Variants in NCAPD3 observed in about 807,000 individuals in gnomAD.
NCAPD3 encodes the protein condensin-2 complex subunit D3.
Under a neutral mutation model 182.9 loss-of-function variants are expected in NCAPD3, and 105 were observed. The ratio of observed to expected loss-of-function variants is 0.57; its 90% CI spans 0.49 to 0.68. The LOEUF is 0.68. Among genes scored for constraint, NCAPD3 ranks in the 30% least tolerant of loss-of-function variants. NCAPD3 has a pLI of 0.00. For missense variants in NCAPD3, 1,944 were observed against 1,837.0 expected, an observed-to-expected ratio of 1.06 and a Z score of -1.07; for synonymous variants, 815 against 679.9, an observed-to-expected ratio of 1.20 and a Z score of -3.09.
chr11:134,161,273 A>T (rs191362829), intron 28 of NCAPD3, among the ~76,000 whole-genome samples: 1 of 152,306 alleles, frequency 6.6e-6, no homozygotes, highest in East Asian at 1.9e-4. Context: ...GCAAGTCAAC[A>T]CATCCTGGGT....
intron 24 of NCAPD3, among the ~76,000 whole-genome samples, chr11:134,171,345 C>T (rs533105652): frequency 6.6e-6 from 1 of 152,258 alleles, no homozygotes; most frequent in Non-Finnish European, 1.5e-5. Flanking sequence ...AATCGAAATC[C>T]AGGATATTCA....
intron 27 of NCAPD3, among the ~76,000 whole-genome samples, chr11:134,166,832 G>C (rs1943830218): frequency 8.5e-6 from 1 of 118,072 alleles, no homozygotes; most frequent in Non-Finnish European, 1.8e-5. Context: ...CTTGTGAGAT[G>C]AGCTTGGGGG....
chr11:134,159,446 G>A (rs1045929483), intron 29 of NCAPD3, among the ~76,000 whole-genome samples: 2 of 152,244 alleles, frequency 1.3e-5, no homozygotes, highest in African/African-American at 4.8e-5. Context: ...ACTTGTAGAT[G>A]CTGTGGCATG....
At chr11:134,188,586 AG>A (rs1366526514) in intron 16 of NCAPD3, among the ~76,000 whole-genome samples, 2 of 152,126 alleles carry the variant, frequency 1.3e-5, no homozygotes, top group African/African-American at 4.8e-5. Flanking sequence ...ACCCACCAGG[AG>A]GAACAAACAA....
chr11:134,203,214 A>G lies in NCAPD3; in HGVS notation c.1469-16T>C. ...AACGTAGGACCTAAAAACAAGAAGA[A>G]AGATAAGAAGGAAGAAGTCAGTATC... On this transcript the variant is annotated splice_polypyrimidine_tract_variant and intron_variant, in intron 11 of 34. Coordinates refer to ENST00000534548, the MANE Select transcript of NCAPD3 (RefSeq NM_015261.3). 1 of 1,559,836 alleles carries G rather than the reference A, an allele frequency of 6.4e-7. No homozygotes were observed. The highest frequency in any genetic ancestry group is 8.8e-7 in the Non-Finnish European group (1 of 1,131,694).
At chr11:134,217,679 T>C (rs549679879) in intron 2 of NCAPD3, among the ~76,000 whole-genome samples, 40 of 152,180 alleles carry the variant, frequency 2.6e-4, no homozygotes, top group Non-Finnish European at 4.9e-4. Context: ...AAGAAATGGG[T>C]TATTTTAATA....
intron 27 of NCAPD3, among the ~76,000 whole-genome samples, chr11:134,167,517 A>AG: frequency 9.1e-6 from 1 of 110,432 alleles, no homozygotes; most frequent in Admixed American, 1.1e-4. Context: ...AGATGAGCTC[A>AG]GGGGAGCTGC....
chr11:134,184,843 A>ACACACACACACACG (rs1944368953), intron 18 of NCAPD3, 60 bp downstream of exon 18: 2 of 1,304,420 alleles, frequency 1.5e-6, no homozygotes, highest in Admixed American at 3.4e-5. Context: ...ACACACACAC[A>ACACACACACACACG]CACACACCTG....
intron 16 of NCAPD3, 111 bp from the exon 17 acceptor site, chr11:134,185,637 G>A (rs956441932): frequency 3.6e-6 from 3 of 828,848 alleles, no homozygotes; most frequent in Non-Finnish European, 3.6e-6. Flanking sequence ...GGACTCAAGT[G>A]GCACATGAAA....
chr11:134,199,492 C>A (rs375732810), intron 13 of NCAPD3, among the ~76,000 whole-genome samples: 1 of 152,166 alleles, frequency 6.6e-6, no homozygotes, highest in Non-Finnish European at 1.5e-5. Flanking sequence ...AATGCACATT[C>A]AAACCATACT....
rs146314937 is a variant in NCAPD3, at chr11:134,207,716, C to G, written c.883-984G>C. On this transcript the variant is annotated intron_variant, in intron 7 of 34. Transcript: ENST00000534548. ...CCGAGATCATGCCACTGCACTCCAGCCTGGTGTCAGAGCGAGACTGCGTCT... is the reference window on the plus strand; with the variant it reads ...CCGAGATCATGCCACTGCACTCCAGGCTGGTGTCAGAGCGAGACTGCGTCT... Among the ~76,000 whole-genome samples, 1,096 of 137,442 alleles carry G rather than the reference C, an allele frequency of 8.0e-3. 10 individuals carry two copies. Among genetic ancestry groups the G allele is most frequent in the African/African-American group, 0.029 (1,023 of 35,184 alleles). The allele number at this position is 137,442 out of a possible 152,430, so 90.2% of individuals were successfully genotyped here.
chr11:134,206,821 A>C, intron 7 of NCAPD3, 89 bp from the exon 8 acceptor site: 3 of 1,367,696 alleles, frequency 2.2e-6, no homozygotes, highest in South Asian at 1.5e-5. Flanking sequence ...AAACCATTTC[A>C]AGCCATCTGA....
chr11:134,181,009 T>C (rs1270608654), intron 20 of NCAPD3, 68 bp downstream of exon 20: 8 of 1,181,906 alleles, frequency 6.8e-6, no homozygotes, highest in Non-Finnish European at 1.0e-5. Flanking sequence ...CATGACAAAG[T>C]CATCTTTAAT....
intron 31 of NCAPD3, 105 bp downstream of exon 31, chr11:134,157,823 T>C: frequency 7.9e-7 from 1 of 1,271,844 alleles, no homozygotes; most frequent in Non-Finnish European, 1.1e-6. Flanking sequence ...GTTATTTGTT[T>C]TAAAGATAAG....
At chr11:134,167,224 T>G (rs1943858720) in intron 27 of NCAPD3, among the ~76,000 whole-genome samples, 3 of 105,466 alleles carry the variant, frequency 2.8e-5, no homozygotes, top group Admixed American at 1.2e-4. Context: ...ACTCGTGAGA[T>G]GAGCTTGGGG....
chr11:134,215,594 C>A (rs754600269), intron 3 of NCAPD3, among the ~76,000 whole-genome samples: 1 of 152,098 alleles, frequency 6.6e-6, no homozygotes, highest in Admixed American at 6.5e-5. Context: ...AGGGGAGATG[C>A]AAGAGTTGCG....
chr11:134,199,921 G>T (rs980984687), intron 13 of NCAPD3, among the ~76,000 whole-genome samples: 2 of 152,082 alleles, frequency 1.3e-5, no homozygotes, highest in African/African-American at 4.8e-5. Context: ...AGAATATAGA[G>T]CACACAAATA....
intron 13 of NCAPD3, among the ~76,000 whole-genome samples, chr11:134,198,785 A>G (rs899084368): frequency 6.6e-5 from 10 of 152,244 alleles, no homozygotes; most frequent in African/African-American, 2.4e-4. Flanking sequence ...ATTATCAAAA[A>G]TAATTTGTAA....
At position 134,204,574 on chromosome 11, in the gene NCAPD3, C is replaced by T. The variant is rs1944812375; in HGVS notation, c.1089+325G>A. Among the ~76,000 whole-genome samples, 1 of 152,140 alleles carries T rather than the reference C, an allele frequency of 6.6e-6. No homozygotes were observed. Among genetic ancestry groups the T allele is most frequent in the African/African-American group, 2.4e-5 (1 of 41,404 alleles). ...TTGCTTCAAAACACAATCCAGTATA[C>T]ACATGTTGGGGGATGTGGGGTAGGG... On this transcript the variant is annotated intron_variant, in intron 9 of 34. Coordinates refer to ENST00000534548, the MANE Select transcript of NCAPD3 (RefSeq NM_015261.3). This position sits in a 1 kb window ranked among gnomAD's most constrained non-coding sequence, Gnocchi z 4.3.
Sources: gnomAD v4.1 joint callset for allele counts (sites outside exome capture counted in the v4.1 genomes callset) on GRCh38, gnomAD v4.1.1 for gene constraint, Gnocchi (gnomAD v3.1) non-coding constraint, MANE v1.5 for transcripts, NCBI Gene and HGNC (gene_info 2026-07-23, HGNC 2026-07-21) for gene names.